Variants in PTPN12 observed in about 807,000 individuals in gnomAD.
The protein encoded by PTPN12 is protein tyrosine phosphatase non-receptor type 12, also known as tyrosine-protein phosphatase non-receptor type 12.
Under a neutral mutation model 97.6 loss-of-function variants are expected in PTPN12, and 29 were observed. That is an observed-to-expected ratio of 0.30 (90% CI 0.22 to 0.41). PTPN12 has a LOEUF of 0.41. Among genes scored for constraint, PTPN12 ranks in the 10% least tolerant of loss-of-function variants. The probability of loss-of-function intolerance (pLI) is 1.00; values close to 1 mark genes in which losing one functional copy is unlikely to be tolerated. For missense variants in PTPN12, 819 were observed against 926.0 expected (o/e 0.88, Z 1.50); for synonymous variants, 327 against 300.4 (o/e 1.09, Z -0.91).
At chr7:77,542,306 C>T (rs1584082741) in intron 1 of PTPN12, among the ~76,000 whole-genome samples, 1 of 152,178 alleles carries the variant, frequency 6.6e-6, no homozygotes, top group Non-Finnish European at 1.5e-5. Context: ...CCCATCTCAC[C>T]TTCTCCAGCC....
Position 77,635,785 on chromosome 7 carries a change from C to G in PTPN12, c.2078C>G (p.Thr693Arg), listed in dbSNP as rs779942498. The G allele has an allele frequency of 6.3e-7, 1 of 1,594,020 alleles. No homozygotes were observed. The highest frequency in any genetic ancestry group is 8.5e-7 in the Non-Finnish European group (1 of 1,171,026). The part of the protein sequence containing the change: ...ESFVLASEHN[T>R]PVRSEWSELQ... ...AATAAGATTTCATTTTTCTCAGATA[C>G]ACCTGTAAGATCGGAATGGAGTGAA... The change falls in exon 15 of 18, where the codon ACA becomes AGA. Residue 693 changes from threonine (T) to arginine (R), a missense_variant. Transcript: ENST00000248594.
At chr7:77,636,487 T>G (rs1209836618) in intron 15 of PTPN12, among the ~76,000 whole-genome samples, 3 of 151,960 alleles carry the variant, frequency 2.0e-5, no homozygotes. Context: ...GAGGCTGAGA[T>G]GGGAGGATTG....
chr7:77,545,323 C>A (rs1025252305), intron 1 of PTPN12, among the ~76,000 whole-genome samples: 1 of 152,276 alleles, frequency 6.6e-6, no homozygotes, highest in Admixed American at 6.5e-5. Context: ...GTGGCAGCAT[C>A]TGTAGGCTAA....
At chr7:77,625,563 CTCTTTTTTTT>C (rs1271713835) in intron 12 of PTPN12, among the ~76,000 whole-genome samples, 12 of 27,784 alleles carry the variant, frequency 4.3e-4, no homozygotes, top group African/African-American at 2.3e-3. Context: ...CGCTCTCTCT[CTCTTTTTTTT>C]TTTTTTTTTT....
chr7:77,580,267 G>C (rs746819936), intron 2 of PTPN12, among the ~76,000 whole-genome samples: 1 of 152,182 alleles, frequency 6.6e-6, no homozygotes, highest in Non-Finnish European at 1.5e-5. Flanking sequence ...TTTTAGGTTC[G>C]AATGAGCTAT....
At chr7:77,573,212 A>T (rs118156511) in intron 2 of PTPN12, among the ~76,000 whole-genome samples, 1 of 152,086 alleles carries the variant, frequency 6.6e-6, no homozygotes, top group East Asian at 1.9e-4. Flanking sequence ...TGCAAAATAC[A>T]CTCCACTTTT....
At chr7:77,616,717 G>A (rs545567338) in intron 11 of PTPN12, among the ~76,000 whole-genome samples, 1 of 152,224 alleles carries the variant, frequency 6.6e-6, no homozygotes, top group Admixed American at 6.5e-5. Context: ...AATATCAAGT[G>A]TTACAGAATT....
At chr7:77,635,644 T>C (rs1789561745) in intron 14 of PTPN12, 138 bp from the exon 15 acceptor site, 2 of 488,422 alleles carry the variant, frequency 4.1e-6, no homozygotes, top group Non-Finnish European at 7.3e-6. Flanking sequence ...TTCAGAAATA[T>C]GCTTACCCAG....
In PTPN12 at chr7:77,542,862, G is replaced by A. The variant is rs552762151; in HGVS notation, c.99+5217G>A. 6.6e-5 allele frequency among the ~76,000 whole-genome samples: 10 copies of A among 152,232 alleles called. 1 individual carries two copies. Among genetic ancestry groups the A allele is most frequent in the African/African-American group, 1.2e-4 (5 of 41,542 alleles). On this transcript the variant is annotated intron_variant, in intron 1 of 17. Coordinates refer to ENST00000248594, the MANE Select transcript of PTPN12 (RefSeq NM_002835.4). ...TAGAGCTCAAGATTTCTGACAGGAC[G>A]GAGTTAAAGATGTAGGCATCATAAT... is the stretch of plus-strand genomic sequence containing the variant.
At chr7:77,552,335 A>C (rs2151301419) in intron 1 of PTPN12, among the ~76,000 whole-genome samples, 1 of 152,162 alleles carries the variant, frequency 6.6e-6, no homozygotes, top group African/African-American at 2.4e-5. Context: ...TTAAACTAGA[A>C]GTACAGGATG....
intron 8 of PTPN12, among the ~76,000 whole-genome samples, chr7:77,602,137 T>C (rs1342637579): frequency 3.3e-5 from 5 of 151,924 alleles, no homozygotes; most frequent in African/African-American, 1.2e-4. Flanking sequence ...TTTGGGGGAA[T>C]GAACATGAGA....
chr7:77,544,162 T>C (rs1453147032), intron 1 of PTPN12, among the ~76,000 whole-genome samples: 1 of 152,236 alleles, frequency 6.6e-6, no homozygotes. Context: ...CCTCTACATC[T>C]TCACCGATAC....
Position 77,607,287 on chromosome 7 carries a change from T to C in PTPN12, c.748T>C (p.Leu250=). 6.2e-7 allele frequency: 1 copy of C among 1,610,248 alleles called. No homozygotes were observed. The highest frequency in any genetic ancestry group is 2.2e-5 in the East Asian group (1 of 44,744). The change falls in exon 9 of 18, where the codon TTA becomes CTA. Residue 250 remains leucine, a synonymous_variant. Transcript: ENST00000248594. ...TTGTGCCATAGATTATACGTGGAAT[T>C]TACTAAAAGCTGGGGTAAGAATAAT... is the stretch of plus-strand genomic sequence containing the variant. ...AICAIDYTWN[L]LKAGKIPEEF...
intron 14 of PTPN12, 23 bp downstream of exon 14, chr7:77,632,448 C>A (rs776706252): frequency 6.6e-7 from 1 of 1,523,432 alleles, no homozygotes; most frequent in Non-Finnish European, 9.1e-7. Flanking sequence ...TTTGCTTTTA[C>A]ATTTACTTCA....
intron 6 of PTPN12, among the ~76,000 whole-genome samples, chr7:77,592,559 G>A (rs938447414): frequency 4.6e-5 from 7 of 152,038 alleles, no homozygotes; most frequent in East Asian, 1.9e-4. Flanking sequence ...TTTGGAAATC[G>A]TGTATTCATT....
At chr7:77,592,091 T>C (rs182454294) in intron 5 of PTPN12, 94 bp from the exon 6 acceptor site, 170 of 1,059,616 alleles carry the variant, frequency 1.6e-4, no homozygotes, top group Non-Finnish European at 2.0e-4. Flanking sequence ...TTTGGGGAAG[T>C]AGAAGTAAGC....
At chr7:77,633,819 T>TA (rs1789488843) in intron 14 of PTPN12, among the ~76,000 whole-genome samples, 1 of 151,910 alleles carries the variant, frequency 6.6e-6, no homozygotes, top group African/African-American at 2.4e-5. Context: ...GCCTAAGAGT[T>TA]TGAGACCAGC....
At position 77,600,617 on chromosome 7, in the gene PTPN12, C is replaced by A. The variant is rs764057279; in HGVS notation, c.553-47C>A. The A allele has an allele frequency of 7.3e-6, 11 of 1,506,602 alleles. No individual in the cohort carries two copies. In the Admixed American group the frequency reaches 1.4e-4, roughly 19 times the overall value. The allele number at this position is 1,506,602 out of a possible 1,614,324, so 93.3% of individuals were successfully genotyped here. A position where few individuals can be genotyped will look rare whatever the true frequency, so the allele number is the denominator to read the frequency against. ...TTTAAATGAGCTGTGCAACTTTAAA[C>A]TTTGCAAAGTATTTTCATAATTGTT... On this transcript the variant is annotated intron_variant, in intron 7 of 17. Coordinates refer to ENST00000248594, the MANE Select transcript of PTPN12 (RefSeq NM_002835.4).
At chr7:77,584,046 A>G (rs2286893) in intron 4 of PTPN12, among the ~76,000 whole-genome samples, 110,015 of 152,148 alleles carry the variant, frequency 0.72, 41,181 homozygotes, top group East Asian at 0.9. Context: ...AATATGCAGT[A>G]TAAGAGAATT....
Sources: allele counts gnomAD v4.1 joint callset (sites outside exome capture counted in the v4.1 genomes callset), GRCh38; gene constraint gnomAD v4.1.1; transcripts MANE v1.5; gene names NCBI Gene and HGNC (gene_info 2026-07-23, HGNC 2026-07-21).